The following SLC45A2 variants were observed in gnomAD, a reference collection of about 807,000 sequenced individuals.
The protein encoded by SLC45A2 is membrane-associated transporter protein.
SLC45A2 carries 36 observed loss-of-function variants against 45.5 expected under a neutral mutation model. That is an observed-to-expected ratio of 0.79 (90% CI 0.61 to 1.04). The LOEUF (loss-of-function observed/expected upper bound fraction) is 1.04. Among genes scored for constraint, SLC45A2 ranks in the 50% least tolerant of loss-of-function variants. SLC45A2 has a pLI of 0.00. For synonymous variants in SLC45A2, 306 were observed against 269.3 expected (o/e 1.14, Z -1.33); for missense variants, 719 against 671.0 (o/e 1.07, Z -0.79).
In SLC45A2 at chr5:33,963,810, C is replaced by A. The variant is rs949276381; in HGVS notation, c.769G>T (p.Asp257Tyr). 1 of 1,613,996 alleles carries A rather than the reference C, an allele frequency of 6.2e-7. No individual in the cohort carries two copies. The highest frequency in any genetic ancestry group is 8.5e-7 in the Non-Finnish European group (1 of 1,180,018). The change falls in exon 3 of 7, where the codon GAC becomes TAC. Residue 257 changes from aspartate (D) to tyrosine (Y), a missense_variant. Coordinates refer to ENST00000296589, the MANE Select transcript of SLC45A2 (RefSeq NM_016180.5). Reference protein sequence around the residue: ...KGIPPQQTPQDPPLSSDGMYE... With the variant: ...KGIPPQQTPQYPPLSSDGMYE... ...ATTCCATCTGATGACAATGGAGGGT[C>A]CTGAGGGGTTTGCTGTGGGGGAATG...
chr5:33,983,382 T>G (rs1753138842), intron 1 of SLC45A2, among the ~76,000 whole-genome samples: 1 of 152,250 alleles, frequency 6.6e-6, no homozygotes, highest in African/African-American at 2.4e-5. Flanking sequence ...ACCCGCCACT[T>G]CTCACCTCCT....
At chr5:33,959,550 T>C (rs2111946384) in intron 3 of SLC45A2, among the ~76,000 whole-genome samples, 1 of 152,288 alleles carries the variant, frequency 6.6e-6, no homozygotes, top group African/African-American at 2.4e-5. Flanking sequence ...TTTATCCCAA[T>C]GACCTCTTAG....
At chr5:33,955,937 T>A (rs1752261388) in intron 3 of SLC45A2, among the ~76,000 whole-genome samples, 1 of 152,176 alleles carries the variant, frequency 6.6e-6, no homozygotes, top group Admixed American at 6.5e-5. Context: ...CACTGATTTT[T>A]TTTTAACTTT....
intron 1 of SLC45A2, 138 bp downstream of exon 1, chr5:33,984,061 G>C (rs1379637652): frequency 1.6e-6 from 2 of 1,221,342 alleles, no homozygotes. Context: ...ATTTGTCAAA[G>C]GGGAAGTTCA....
rs148700534 is a variant in SLC45A2 at position 33,970,274 on chromosome 5, G to C, written c.563-6258C>G. Among the ~76,000 whole-genome samples the C allele has an allele frequency of 7.0e-4, 107 of 152,328 alleles. 1 individual carries two copies. The highest frequency in any genetic ancestry group is 2.5e-3 in the African/African-American group (103 of 41,574). ...GGAAGACAGAAACAGCTGGGGTTCA[G>C]GGCTTACAAAACCCATGGTACCACC... On this transcript the variant is annotated intron_variant, in intron 2 of 6. Coordinates refer to ENST00000296589, the MANE Select transcript of SLC45A2 (RefSeq NM_016180.5).
intron 2 of SLC45A2, among the ~76,000 whole-genome samples, chr5:33,971,773 T>C (rs914699151): frequency 6.6e-6 from 1 of 152,130 alleles, no homozygotes; most frequent in Admixed American, 6.5e-5. Context: ...ATTACAGGCA[T>C]GCACCCCCAT....
intron 2 of SLC45A2, among the ~76,000 whole-genome samples, chr5:33,965,916 C>T (rs900585236): frequency 6.6e-6 from 1 of 152,196 alleles, no homozygotes; most frequent in Non-Finnish European, 1.5e-5. Context: ...AACCCCTGAC[C>T]TAAGTCAACC....
rs561602415 is a variant in SLC45A2 at position 33,947,191 on chromosome 5, G to A, written c.1340C>T (p.Thr447Ile). 6 of 1,614,228 alleles carry A rather than the reference G, an allele frequency of 3.7e-6. No homozygotes were observed. The African/African-American group carries it at 4.0e-5, about 11-fold the overall frequency. The change falls in exon 6 of 7, where the codon ACT becomes ATT. Residue 447 changes from threonine to isoleucine, a missense_variant. By Grantham distance (89) the Thr-to-Ile change is moderately conservative (BLOSUM62 -1). Coordinates refer to ENST00000296589, the MANE Select transcript of SLC45A2 (RefSeq NM_016180.5). ...TLYTVPFNLI[T>I]EYHREEEKER... ...CTTTTCTTCCTCGCGGTGGTACTCA[G>A]TAATGAGGTTAAAGGGCACAGTGTA...
At chr5:33,959,667 A>G (rs988938600) in intron 3 of SLC45A2, among the ~76,000 whole-genome samples, 3 of 152,204 alleles carry the variant, frequency 2.0e-5, no homozygotes, top group Non-Finnish European at 4.4e-5. Context: ...GTATTCTCCT[A>G]TCAAGTGGCA....
chr5:33,972,106 T>A, intron 2 of SLC45A2: 2 of 515,586 alleles, frequency 3.9e-6, no homozygotes, highest in South Asian at 2.8e-5. Flanking sequence ...GTGAAAGGGC[T>A]CATTGGATCA....
At chr5:33,981,634 C>G (rs2112012952) in intron 2 of SLC45A2, among the ~76,000 whole-genome samples, 1 of 152,320 alleles carries the variant, frequency 6.6e-6, no homozygotes, top group South Asian at 2.1e-4. Context: ...CCCAAGAGAT[C>G]AAGAGAGCTC....
chr5:33,972,404 A>C, intron 2 of SLC45A2: 1 of 360,654 alleles, frequency 2.8e-6, no homozygotes, highest in Non-Finnish European at 5.6e-6. Context: ...CACGTTGAAA[A>C]TCCATGCAAG....
chr5:33,954,924 T>A (rs188363395), intron 3 of SLC45A2, among the ~76,000 whole-genome samples: 1 of 152,304 alleles, frequency 6.6e-6, no homozygotes, highest in East Asian at 1.9e-4. Flanking sequence ...TCTGTCATGA[T>A]CTTGGTCCCC....
chr5:33,967,875 T>C (rs1752648065), intron 2 of SLC45A2, among the ~76,000 whole-genome samples: 1 of 151,956 alleles, frequency 6.6e-6, no homozygotes, highest in South Asian at 2.1e-4. Flanking sequence ...ATCTTCCCCA[T>C]TGGTTCCTTT....
chr5:33,967,783 G>GACAC (rs10529094), intron 2 of SLC45A2, among the ~76,000 whole-genome samples: 53 of 147,006 alleles, frequency 3.6e-4, no homozygotes, highest in South Asian at 2.5e-3. Flanking sequence ...TATTTTGCTA[G>GACAC]ACACACACAC....
intron 3 of SLC45A2, among the ~76,000 whole-genome samples, chr5:33,962,521 G>A (rs1262581936): frequency 2.0e-5 from 3 of 152,186 alleles, no homozygotes; most frequent in South Asian, 2.1e-4. Context: ...TGTGTTCCCT[G>A]TTTGTGCTTA....
intron 2 of SLC45A2, among the ~76,000 whole-genome samples, chr5:33,975,280 A>C (rs768673277): frequency 3.0e-4 from 45 of 152,260 alleles, no homozygotes; most frequent in Admixed American, 9.2e-4. Flanking sequence ...AAACAGGGTT[A>C]TGTAACCCTC....
intron 2 of SLC45A2, among the ~76,000 whole-genome samples, chr5:33,981,892 T>C (rs999623975): frequency 6.6e-6 from 1 of 152,236 alleles, no homozygotes; most frequent in East Asian, 1.9e-4. Flanking sequence ...GTATTTTCAA[T>C]GACCTTCTAA....
chr5:33,947,658 C>T (rs907748236), intron 5 of SLC45A2, among the ~76,000 whole-genome samples: 3 of 152,042 alleles, frequency 2.0e-5, no homozygotes, highest in African/African-American at 7.2e-5. Flanking sequence ...CAAAAAGAAG[C>T]GAGAAAGGTG....
Sources: gnomAD v4.1 joint callset for allele counts (sites outside exome capture counted in the v4.1 genomes callset) on GRCh38, gnomAD v4.1.1 for gene constraint, MANE v1.5 for transcripts, NCBI Gene and HGNC (gene_info 2026-07-23, HGNC 2026-07-21) for gene names.